SUCLG2: variants seen among roughly 807,000 people sequenced by gnomAD.
The protein encoded by SUCLG2 is succinate-CoA ligase GDP-forming subunit beta.
A neutral mutation model predicts 47.9 loss-of-function variants in SUCLG2; 42 were observed. The ratio of observed to expected loss-of-function variants is 0.88; its 90% CI spans 0.69 to 1.14. The LOEUF (loss-of-function observed/expected upper bound fraction) is 1.14. Among genes scored for constraint, SUCLG2 ranks in the 50% most tolerant of loss-of-function variants. SUCLG2 has a pLI of 0.00. For synonymous variants in SUCLG2, 195 were observed against 197.3 expected (o/e 0.99, Z 0.10); for missense variants, 571 against 525.9 (o/e 1.09, Z -0.84).
chr3:67,418,496 G>C (rs1287322211), intron 9 of SUCLG2, among the ~76,000 whole-genome samples: 1 of 152,178 alleles, frequency 6.6e-6, no homozygotes, highest in Non-Finnish European at 1.5e-5. Context: ...ACACTAAGCT[G>C]TTCTGGTGAA....
At chr3:67,584,077 A>G (rs1327397819) in intron 2 of SUCLG2, among the ~76,000 whole-genome samples, 2 of 152,354 alleles carry the variant, frequency 1.3e-5, no homozygotes, top group East Asian at 1.9e-4. Flanking sequence ...ATAAAAATAC[A>G]TTCCACATAA....
intron 4 of SUCLG2, among the ~76,000 whole-genome samples, chr3:67,522,661 CTTTT>C (rs201002662): frequency 1.5e-5 from 2 of 134,460 alleles, no homozygotes; most frequent in Non-Finnish European, 1.6e-5. Flanking sequence ...GCTTTTCTTT[CTTTT>C]TTTTTTTTTT....
rs964339399 is a variant in SUCLG2, at chr3:67,654,389, C to A, written c.84+114G>T. 174 of 866,890 alleles carry A rather than the reference C, an allele frequency of 2.0e-4. 1 individual carries two copies. The highest frequency in any genetic ancestry group is 2.0e-4 in the Non-Finnish European group (129 of 656,214). The allele number at this position is 866,890 out of a possible 1,614,324, so 53.7% of individuals were successfully genotyped here. On this transcript the variant is annotated intron_variant, in intron 1 of 10. Transcript: ENST00000307227. ...CGCCGCGTCACCTCCCGAAGTGGGGCGCCCGAGGGGCCGCGCAGGGGGTCA... is the reference window on the plus strand; with the variant it reads ...CGCCGCGTCACCTCCCGAAGTGGGGAGCCCGAGGGGCCGCGCAGGGGGTCA...
intron 10 of SUCLG2, chr3:67,376,463 T>C: frequency 2.0e-6 from 2 of 985,390 alleles, no homozygotes; most frequent in Non-Finnish European, 2.4e-6. Context: ...GGGGACTATT[T>C]AACATGAGAA....
intron 9 of SUCLG2, among the ~76,000 whole-genome samples, chr3:67,490,320 A>T (rs1227867933): frequency 6.6e-6 from 1 of 152,198 alleles, no homozygotes; most frequent in Non-Finnish European, 1.5e-5. Context: ...AACGTAAGGC[A>T]TTTGCATATA....
chr3:67,597,381 C>G (rs1472495893), intron 2 of SUCLG2, among the ~76,000 whole-genome samples: 2 of 152,146 alleles, frequency 1.3e-5, no homozygotes, highest in African/African-American at 4.8e-5. Context: ...CAACTTTTAG[C>G]CTAGATGGAG....
intron 9 of SUCLG2, among the ~76,000 whole-genome samples, chr3:67,472,216 A>C (rs1218408047): frequency 7.2e-5 from 11 of 152,192 alleles, no homozygotes; most frequent in Admixed American, 7.2e-4. Flanking sequence ...CATTTATTCT[A>C]TACATGGAAA....
At chr3:67,419,118 C>G (rs1703098160) in intron 9 of SUCLG2, among the ~76,000 whole-genome samples, 1 of 152,212 alleles carries the variant, frequency 6.6e-6, no homozygotes. Context: ...TCACCAAGCA[C>G]TCAGTCCTGT....
At chr3:67,571,091 C>T (rs1707594732) in intron 2 of SUCLG2, among the ~76,000 whole-genome samples, 1 of 152,172 alleles carries the variant, frequency 6.6e-6, no homozygotes. Context: ...ATCATAATTT[C>T]CTTCCTTCTC....
At chr3:67,474,103 A>G (rs1294134800) in intron 9 of SUCLG2, among the ~76,000 whole-genome samples, 1 of 152,008 alleles carries the variant, frequency 6.6e-6, no homozygotes, top group Non-Finnish European at 1.5e-5. Context: ...AAAAATACAA[A>G]AACAAAATTA....
intron 9 of SUCLG2, among the ~76,000 whole-genome samples, chr3:67,492,432 G>T (rs1705228060): frequency 6.6e-6 from 1 of 152,032 alleles, no homozygotes; most frequent in South Asian, 2.1e-4. Flanking sequence ...AAAAACCCAA[G>T]GTTAACATTC....
At chr3:67,372,380 A>C (rs562976188), downstream of SUCLG2, among the ~76,000 whole-genome samples, 21 of 133,038 alleles carry the variant, frequency 1.6e-4, no homozygotes, top group South Asian at 4.7e-3. Flanking sequence ...GGTGGGGATC[A>C]AGTACACTGC....
intron 1 of SUCLG2, among the ~76,000 whole-genome samples, chr3:67,614,030 G>C (rs1700580389): frequency 6.6e-6 from 1 of 152,270 alleles, no homozygotes; most frequent in African/African-American, 2.4e-5. Context: ...GTCCTAAGAT[G>C]CTAGAATGGT....
At chr3:67,619,260 C>G (rs189148160) in intron 1 of SUCLG2, among the ~76,000 whole-genome samples, 1 of 152,138 alleles carries the variant, frequency 6.6e-6, no homozygotes, top group Non-Finnish European at 1.5e-5. Context: ...AAAGCATTAC[C>G]TCGTGAGATT....
intron 2 of SUCLG2, among the ~76,000 whole-genome samples, chr3:67,601,531 A>G (rs1708418011): frequency 6.6e-6 from 1 of 152,182 alleles, no homozygotes; most frequent in Admixed American, 6.5e-5. Context: ...TATAGCCCAT[A>G]AAGTACCCTC....
intron 1 of SUCLG2, among the ~76,000 whole-genome samples, chr3:67,642,501 T>C (rs989925532): frequency 1.3e-5 from 2 of 151,990 alleles, no homozygotes; most frequent in African/African-American, 4.8e-5. Flanking sequence ...TCCCAGCTAA[T>C]CTGGAGGCTG....
intron 2 of SUCLG2, among the ~76,000 whole-genome samples, chr3:67,550,618 C>T (rs893833109): frequency 1.3e-5 from 2 of 152,192 alleles, no homozygotes; most frequent in African/African-American, 4.8e-5. Context: ...TGTCAGCCAT[C>T]ACACCCAGCC....
At position 67,650,699 on chromosome 3, in the gene SUCLG2, G is replaced by GT. The variant is rs1349583613; in HGVS notation, c.84+3803dup. Among the ~76,000 whole-genome samples the GT allele has an allele frequency of 3.9e-5, 6 of 152,128 alleles. No individual in the cohort carries two copies. In the East Asian group the frequency reaches 1.2e-3, roughly 29 times the overall value. On this transcript the variant is annotated intron_variant, in intron 1 of 10. Coordinates refer to ENST00000307227, the MANE Select transcript of SUCLG2 (RefSeq NM_003848.4). ...TTGTACCCAGGAGGAGGAGGTTGTA[G>GT]TGAGCCAAGATCAGGCCACCGCACT...
intron 9 of SUCLG2, among the ~76,000 whole-genome samples, chr3:67,486,967 A>G (rs927233641): frequency 6.6e-6 from 1 of 152,168 alleles, no homozygotes; most frequent in Non-Finnish European, 1.5e-5. Flanking sequence ...AATTAATTTT[A>G]GCACACAGGC....
Sources: allele counts gnomAD v4.1 joint callset (sites outside exome capture counted in the v4.1 genomes callset), GRCh38; gene constraint gnomAD v4.1.1; transcripts MANE v1.5; gene names NCBI Gene and HGNC (gene_info 2026-07-23, HGNC 2026-07-21).